Variants in IPO7 observed in about 807,000 individuals in gnomAD.
The protein encoded by IPO7 is importin-7.
A neutral mutation model predicts 136.4 loss-of-function variants in IPO7; 13 were observed. The ratio of observed to expected loss-of-function variants is 0.10; its 90% confidence interval spans 0.06 to 0.15. The LOEUF (loss-of-function observed/expected upper bound fraction) is 0.15, where lower values mean the gene tolerates loss of function less well. IPO7 is among the 10% of genes least tolerant of loss of function. The pLI is 1.00. For missense variants in IPO7, 857 were observed against 1,240.6 expected (o/e 0.69, Z 4.65); for synonymous variants, 403 against 404.4 (o/e 1.00, Z 0.04).
intron 1 of IPO7, among the ~76,000 whole-genome samples, chr11:9,386,484 A>G (rs900767993): frequency 2.0e-5 from 3 of 152,208 alleles, no homozygotes; most frequent in Non-Finnish European, 2.9e-5. Flanking sequence ...TAGAAAAGCT[A>G]AAAGTTTAGT....
chr11:9,428,653 TATA>T lies in IPO7; in HGVS notation c.1425+25_1425+27del. 6 of 1,257,260 alleles carry T rather than the reference TATA, an allele frequency of 4.8e-6. No individual in the cohort carries two copies. In the South Asian group the frequency reaches 7.3e-5, roughly 15 times the overall value. 77.9% of individuals were successfully genotyped at this position (1,257,260 alleles called of 1,614,324 possible). A position where few individuals can be genotyped will look rare whatever the true frequency, so the allele number is the denominator to read the frequency against. On this transcript the variant is annotated intron_variant, in intron 13 of 24. Transcript: ENST00000379719. ...GGGTATGTTTTAAAGCTGCATTATTTATATACTTTTGTCTTGTAATGAATGACT... is the reference window on the plus strand; with the variant it reads ...GGGTATGTTTTAAAGCTGCATTATTTTACTTTTGTCTTGTAATGAATGACT...
intron 24 of IPO7, among the ~76,000 whole-genome samples, chr11:9,442,939 C>G (rs1409960733): frequency 6.6e-6 from 1 of 152,016 alleles, no homozygotes; most frequent in African/African-American, 2.4e-5. Context: ...AGGAAAATTG[C>G]TTGAACCTAG....
chr11:9,404,475 A>G (rs951773131), intron 2 of IPO7, among the ~76,000 whole-genome samples: 2 of 152,104 alleles, frequency 1.3e-5, no homozygotes, highest in Non-Finnish European at 2.9e-5. Context: ...AAAAAAATAA[A>G]TAAAAAATAA....
At position 9,440,452 on chromosome 11, in the gene IPO7, C is replaced by T. The variant is rs1855446710; in HGVS notation, c.2696-3C>T. 2 of 1,609,788 alleles carry T rather than the reference C, an allele frequency of 1.2e-6. No homozygotes were observed. The highest frequency in any genetic ancestry group is 3.3e-5 in the Admixed American group (2 of 59,960). On this transcript the variant is annotated splice_polypyrimidine_tract_variant and splice_region_variant and intron_variant, in intron 22 of 24. Coordinates refer to ENST00000379719, the MANE Select transcript of IPO7 (RefSeq NM_006391.3). ...TAAAAGTACTTATATTATGACTTGG[C>T]AGAGGAACTGGGGAGTGATGAAGAT...
At chr11:9,437,717 T>C in intron 20 of IPO7, 37 bp from the exon 21 acceptor site, 1 of 1,419,280 alleles carries the variant, frequency 7.0e-7, no homozygotes, top group Non-Finnish European at 9.9e-7. Flanking sequence ...ATGCTATTAA[T>C]TATAGTCTTA....
chr11:9,403,892 C>A (rs1854836297), intron 2 of IPO7, among the ~76,000 whole-genome samples: 1 of 152,092 alleles, frequency 6.6e-6, no homozygotes, highest in African/African-American at 2.4e-5. Flanking sequence ...TAGGCAGTCT[C>A]ACTCTGTCCT....
chr11:9,392,398 A>G, intron 1 of IPO7: 1 of 228,666 alleles, frequency 4.4e-6, no homozygotes, highest in South Asian at 4.2e-5. Context: ...CTGGTCTCGA[A>G]CTCCCGAGAT....
intron 19 of IPO7, among the ~76,000 whole-genome samples, chr11:9,435,934 G>C (rs182404509): frequency 6.6e-6 from 1 of 152,150 alleles, no homozygotes; most frequent in Non-Finnish European, 1.5e-5. Context: ...CGTGAGAAAG[G>C]TTAGGTGTTT....
At chr11:9,427,443 A>G (rs1229222987) in intron 12 of IPO7, among the ~76,000 whole-genome samples, 1 of 151,928 alleles carries the variant, frequency 6.6e-6, no homozygotes, top group Non-Finnish European at 1.5e-5. Context: ...TATTTTCAGT[A>G]GAGATGGGGT....
intron 1 of IPO7, among the ~76,000 whole-genome samples, chr11:9,400,058 C>A (rs1854770988): frequency 6.6e-6 from 1 of 152,180 alleles, no homozygotes; most frequent in African/African-American, 2.4e-5. Flanking sequence ...TTGCTTATAA[C>A]CTGTACACAT....
At chr11:9,409,113 AT>A (rs760836724) in intron 3 of IPO7, among the ~76,000 whole-genome samples, 3,558 of 135,208 alleles carry the variant, frequency 0.026, 118 homozygotes, top group African/African-American at 0.081. Flanking sequence ...TGCCTTAGTC[AT>A]TTTTTTTTTT....
intron 1 of IPO7, among the ~76,000 whole-genome samples, chr11:9,386,898 T>A (rs1379542086): frequency 6.6e-6 from 1 of 152,228 alleles, no homozygotes; most frequent in Non-Finnish European, 1.5e-5. Flanking sequence ...ATTTCATACA[T>A]TTCTTTCAAT....
In IPO7 at chr11:9,446,325, A is replaced by G. The variant is rs1415121497; in HGVS notation, c.*1131A>G. ...TGCCTAGAAGGAGTACAAAATGCAC[A>G]CTTTACAAAATTGATATTTAACACT... is the stretch of plus-strand genomic sequence containing the variant. On this transcript the variant is annotated 3_prime_UTR_variant, in exon 25 of 25. Transcript: ENST00000379719. 1.3e-5 allele frequency: 2 copies of G among 152,166 alleles called. No individual in the cohort carries two copies. Among genetic ancestry groups the G allele is most frequent in the Non-Finnish European group, 2.9e-5 (2 of 68,038 alleles). 9.4% of individuals were successfully genotyped at this position (152,166 alleles called of 1,614,324 possible). A position where few individuals can be genotyped will look rare whatever the true frequency, so the allele number is the denominator to read the frequency against.
chr11:9,404,396 C>A (rs1205961389), intron 2 of IPO7, among the ~76,000 whole-genome samples: 3 of 151,152 alleles, frequency 2.0e-5, no homozygotes, highest in Admixed American at 1.3e-4. Context: ...ACCTGGGAGG[C>A]GGAGCTTGCA....
At chr11:9,430,275 A>AACTT (rs1855275100) in intron 15 of IPO7, 2 of 154,744 alleles carry the variant, frequency 1.3e-5, no homozygotes, top group Admixed American at 6.4e-5. Context: ...ACAGATACTT[A>AACTT]ACTTACTTAA....
At position 9,438,302 on chromosome 11, in the gene IPO7, G is replaced by T; in HGVS notation, c.2695+17G>T. On this transcript the variant is annotated intron_variant, in intron 22 of 24. Transcript: ENST00000379719. ...ATGAAACCGGTAAGGGATTTTCAAT[G>T]GAAGAAGACAAAACTTATCTACTTA... 1 of 1,426,000 alleles carries T rather than the reference G, an allele frequency of 7.0e-7. No homozygotes were observed. The highest frequency in any genetic ancestry group is 1.1e-5 in the South Asian group (1 of 87,512). The allele number at this position is 1,426,000 out of a possible 1,614,324, so 88.3% of individuals were successfully genotyped here.
intron 4 of IPO7, among the ~76,000 whole-genome samples, 167 bp from the exon 5 acceptor site, chr11:9,414,087 GT>G (rs1855005409): frequency 1.3e-5 from 2 of 152,050 alleles, no homozygotes; most frequent in African/African-American, 4.8e-5. Context: ...TTTACTCAAG[GT>G]TTTATTCAAG....
chr11:9,392,482 G>T (rs58608279), intron 1 of IPO7, among the ~76,000 whole-genome samples: 2,751 of 152,056 alleles, frequency 0.018, 80 homozygotes, highest in African/African-American at 0.062. Flanking sequence ...AAATGCTTTA[G>T]TAACAAGAAA....
intron 16 of IPO7, among the ~76,000 whole-genome samples, chr11:9,431,739 C>T (rs1237273043): frequency 6.6e-6 from 1 of 151,978 alleles, no homozygotes; most frequent in Non-Finnish European, 1.5e-5. Context: ...TTTGAGAGGC[C>T]GAGGTGGGCA....
Sources: allele counts gnomAD v4.1 joint callset (sites outside exome capture counted in the v4.1 genomes callset), GRCh38; gene constraint gnomAD v4.1.1; transcripts MANE v1.5; gene names NCBI Gene and HGNC (gene_info 2026-07-23, HGNC 2026-07-21).